Variants in CSTA observed in about 807,000 individuals in gnomAD.
The protein encoded by CSTA is cystatin-A.
A neutral mutation model predicts 9.2 loss-of-function variants in CSTA; 9 were observed. The observed-to-expected ratio is 0.97, with a 90% CI of 0.59 to 1.70. The LOEUF (loss-of-function observed/expected upper bound fraction) is 1.70, where lower values mean the gene tolerates loss of function less well. Ranked by LOEUF, CSTA falls within the 40% of genes most tolerant of loss-of-function variation. CSTA has a pLI of 0.00. For missense variants in CSTA, 118 were observed against 113.1 expected, an observed-to-expected ratio of 1.04 and a Z score of -0.20; for synonymous variants, 36 against 40.6, an observed-to-expected ratio of 0.89 and a Z score of 0.43.
chr3:122,336,707 A>G (rs949738352), intron 1 of CSTA, among the ~76,000 whole-genome samples: 6 of 152,206 alleles, frequency 3.9e-5, no homozygotes, highest in East Asian at 3.9e-4. Flanking sequence ...AAAAAATGGT[A>G]ACTTTACCGT....
chr3:122,341,829 T>C lies in CSTA; in HGVS notation c.*262T>C. 2.3e-6 allele frequency: 1 copy of C among 431,882 alleles called. No individual in the cohort carries two copies. The highest frequency in any genetic ancestry group is 2.1e-5 in the South Asian group (1 of 46,600). 26.8% of individuals were successfully genotyped at this position (431,882 alleles called of 1,614,324 possible). ...AAGCCTAATGCAACTGGCTAAAGGATAGTACCACCCTCACCCCCACCATAG... is the reference window on the plus strand; with the variant it reads ...AAGCCTAATGCAACTGGCTAAAGGACAGTACCACCCTCACCCCCACCATAG... On this transcript the variant is annotated 3_prime_UTR_variant, in exon 3 of 3. Transcript: ENST00000264474.
At chr3:122,338,152 TTAG>T (rs1248801275) in intron 2 of CSTA, 1 of 154,602 alleles carries the variant, frequency 6.5e-6, no homozygotes, top group African/African-American at 2.4e-5. Context: ...GTAACTCAAA[TTAG>T]ATTTAACTTG....
intron 1 of CSTA, among the ~76,000 whole-genome samples, chr3:122,333,547 G>GA (rs375659564): frequency 0.029 from 1,309 of 45,650 alleles, 19 homozygotes; most frequent in South Asian, 0.089. Context: ...AAAGAAGAAA[G>GA]AAAGAAAGAA....
chr3:122,330,610 A>T (rs2075198793), intron 1 of CSTA, among the ~76,000 whole-genome samples: 1 of 152,254 alleles, frequency 6.6e-6, no homozygotes, highest in African/African-American at 2.4e-5. Flanking sequence ...AGCACCATGT[A>T]CTAAAGTACA....
intron 1 of CSTA, among the ~76,000 whole-genome samples, chr3:122,332,428 T>G (rs2107666416): frequency 6.6e-6 from 1 of 152,302 alleles, no homozygotes; most frequent in East Asian, 1.9e-4. Context: ...CCTTCCTTAC[T>G]CTCTAAATCT....
At chr3:122,328,932 C>A (rs1041977951) in intron 1 of CSTA, among the ~76,000 whole-genome samples, 1 of 150,890 alleles carries the variant, frequency 6.6e-6, no homozygotes, top group Non-Finnish European at 1.5e-5. Context: ...CAGAGCGAGA[C>A]TCCATTTCAA....
chr3:122,338,427 G>T (rs1035696595), intron 2 of CSTA, among the ~76,000 whole-genome samples: 17 of 151,538 alleles, frequency 1.1e-4, no homozygotes, highest in African/African-American at 4.1e-4. Context: ...ATTTGACCAG[G>T]GCACAGTGTG....
intron 1 of CSTA, 117 bp from the exon 2 acceptor site, chr3:122,337,430 T>C (rs566736792): frequency 7.8e-5 from 54 of 695,758 alleles, no homozygotes; most frequent in East Asian, 7.2e-4. Flanking sequence ...AAATAGTTCA[T>C]AGATTTCATT....
chr3:122,337,518 T>G, intron 1 of CSTA, 29 bp from the exon 2 acceptor site: 1 of 1,495,700 alleles, frequency 6.7e-7, no homozygotes, highest in Non-Finnish European at 9.3e-7. Flanking sequence ...ATAGCTTTGA[T>G]TATTTGTTTC....
At chr3:122,337,821 AT>A (rs1336817334) in intron 2 of CSTA, 173 bp downstream of exon 2, 21 of 642,740 alleles carry the variant, frequency 3.3e-5, no homozygotes, top group Middle Eastern at 2.8e-4. Context: ...ATGTGACACC[AT>A]TTTTTTTCTT....
chr3:122,333,540 GAAGAAAGAAAGAAAGAAAGAAAGAAAGA>G (rs71136564), intron 1 of CSTA, among the ~76,000 whole-genome samples: 16 of 112,174 alleles, frequency 1.4e-4, no homozygotes, highest in African/African-American at 4.3e-4. Context: ...AGAAAAGAAA[GAAGAAAGAAAGAAAGAAAGAAAGAAAGA>G]AAGAAAGAAA....
intron 1 of CSTA, among the ~76,000 whole-genome samples, chr3:122,325,853 A>G (rs2107664275): frequency 6.6e-6 from 1 of 152,294 alleles, no homozygotes; most frequent in Non-Finnish European, 1.5e-5. Context: ...GCCCAAATAG[A>G]TAGTGTTTTA....
intron 1 of CSTA, among the ~76,000 whole-genome samples, chr3:122,328,899 C>A (rs984061178): frequency 5.4e-5 from 8 of 148,066 alleles, no homozygotes; most frequent in Non-Finnish European, 3.0e-5. Flanking sequence ...CGAGACTGTG[C>A]CACTGCACTC....
At chr3:122,331,923 G>A (rs2075206849) in intron 1 of CSTA, among the ~76,000 whole-genome samples, 1 of 152,186 alleles carries the variant, frequency 6.6e-6, no homozygotes, top group Non-Finnish European at 1.5e-5. Flanking sequence ...GGATGAAGCT[G>A]TTCCACCTCA....
intron 2 of CSTA, among the ~76,000 whole-genome samples, chr3:122,339,066 A>G (rs1019008420): frequency 6.6e-6 from 1 of 152,032 alleles, no homozygotes; most frequent in African/African-American, 2.4e-5. Flanking sequence ...GAGGCACTCT[A>G]GATTTAAGGT....
rs1231068992 is a variant in CSTA at position 122,333,224 on chromosome 3, C to T, written c.67-4323C>T. ...TTTCTAGGACAGATAGAAATAAAAA[C>T]TTAGGGCCAGGCATGGGGGCTCACC... is the stretch of plus-strand genomic sequence containing the variant. On this transcript the variant is annotated intron_variant, in intron 1 of 2. Coordinates refer to ENST00000264474, the MANE Select transcript of CSTA (RefSeq NM_005213.4). Among the ~76,000 whole-genome samples, 12 of 152,148 alleles carry T rather than the reference C, an allele frequency of 7.9e-5. 1 individual carries two copies. Among genetic ancestry groups the T allele is most frequent in the Admixed American group, 7.2e-4 (11 of 15,278 alleles).
chr3:122,338,799 T>A (rs1252173209), intron 2 of CSTA, among the ~76,000 whole-genome samples: 2 of 152,204 alleles, frequency 1.3e-5, no homozygotes, highest in African/African-American at 4.8e-5. Context: ...ATTTAATAAT[T>A]TATGATTAAT....
At position 122,329,150 on chromosome 3, in the gene CSTA, T is replaced by C. The variant is rs375040001; in HGVS notation, c.66+3792T>C. 4.6e-5 allele frequency among the ~76,000 whole-genome samples: 7 copies of C among 151,576 alleles called. 1 individual carries two copies. The highest frequency in any genetic ancestry group is 4.1e-4 in the East Asian group (2 of 4,916). ...CTGGCTAATTTTTTGTATTTTTTAG[T>C]AGAGACGGGGTTTCACCATGTTAGC... On this transcript the variant is annotated intron_variant, in intron 1 of 2. Transcript: ENST00000264474.
chr3:122,330,765 C>T (rs2075199621), intron 1 of CSTA, among the ~76,000 whole-genome samples: 1 of 152,150 alleles, frequency 6.6e-6, no homozygotes, highest in African/African-American at 2.4e-5. Context: ...GTAGACAGAA[C>T]TGTGTGAATT....
Sources: allele counts gnomAD v4.1 joint callset (sites outside exome capture counted in the v4.1 genomes callset), GRCh38; gene constraint gnomAD v4.1.1; transcripts MANE v1.5; gene names NCBI Gene and HGNC (gene_info 2026-07-23, HGNC 2026-07-21).